The following PRDM2 variants were observed in gnomAD, a reference collection of about 807,000 sequenced individuals.
PRDM2 encodes the protein PR/SET domain 2, also known as PR domain zinc finger protein 2.
PRDM2 carries 30 observed loss-of-function variants against 130.0 expected under a neutral mutation model. The ratio of observed to expected loss-of-function variants is 0.23; its 90% CI spans 0.17 to 0.31. The LOEUF (loss-of-function observed/expected upper bound fraction) is 0.31, where lower values mean the gene tolerates loss of function less well. Among genes scored for constraint, PRDM2 ranks in the 10% least tolerant of loss-of-function variants. The pLI, the probability that PRDM2 is intolerant of heterozygous loss-of-function variation, is 1.00. For synonymous variants in PRDM2, 871 were observed against 782.4 expected, an observed-to-expected ratio of 1.11 and a Z score of -1.89; for missense variants, 2,011 against 2,108.4, an observed-to-expected ratio of 0.95 and a Z score of 0.90.
chr1:13,818,181 C>T lies in PRDM2; in HGVS notation c.*23+1611C>T, dbSNP rs372006178. Among the ~76,000 whole-genome samples, 21 of 152,202 alleles carry T rather than the reference C, an allele frequency of 1.4e-4. No homozygotes were observed. In the East Asian group the frequency reaches 1.7e-3, roughly 13 times the overall value. On this transcript the variant is annotated intron_variant, in intron 9 of 9. Coordinates refer to ENST00000311066, the MANE Select transcript of PRDM2 (RefSeq NM_001393986.1). ...CAGATGGCCCCCTGGTTCTGGGACACGCGTAGGTTTGGGAATGTGTGCTTA... is the reference window on the plus strand; with the variant it reads ...CAGATGGCCCCCTGGTTCTGGGACATGCGTAGGTTTGGGAATGTGTGCTTA...
chr1:13,763,311 ATT>A lies in PRDM2; in HGVS notation c.512-9761_512-9760del, dbSNP rs912994029. On this transcript the variant is annotated intron_variant, in intron 6 of 9. Coordinates refer to ENST00000311066, the MANE Select transcript of PRDM2 (RefSeq NM_001393986.1). ...GCTGTTTGGAAAGAGGAAACAGATGATTTTTTTGTTTGAAGTGATGATGTGTA... is the reference window on the plus strand; with the variant it reads ...GCTGTTTGGAAAGAGGAAACAGATGATTTTTGTTTGAAGTGATGATGTGTA... Among the ~76,000 whole-genome samples, 4 of 152,312 alleles carry A rather than the reference ATT, an allele frequency of 2.6e-5. No individual in the cohort carries two copies. The South Asian group carries it at 8.3e-4, about 32-fold the overall frequency.
chr1:13,793,390 G>C (rs750856513), intron 8 of PRDM2, among the ~76,000 whole-genome samples: 1 of 152,220 alleles, frequency 6.6e-6, no homozygotes, highest in Non-Finnish European at 1.5e-5. Flanking sequence ...GGGAGGCACC[G>C]CTAAGGAAAT....
At chr1:13,783,662 C>T (rs938795744) in intron 8 of PRDM2, among the ~76,000 whole-genome samples, 6 of 152,142 alleles carry the variant, frequency 3.9e-5, no homozygotes, top group East Asian at 1.9e-4. Context: ...GAGAGGGCAG[C>T]GGTTAAATTT....
At chr1:13,725,163 A>G (rs547507158) in intron 2 of PRDM2, among the ~76,000 whole-genome samples, 2 of 152,344 alleles carry the variant, frequency 1.3e-5, no homozygotes, top group Non-Finnish European at 2.9e-5. Context: ...TGAAATAGTT[A>G]TAGATCCACA....
Position 13,715,582 on chromosome 1 carries a change from T to C in PRDM2, c.-24T>C. On this transcript the variant is annotated 5_prime_UTR_variant, in exon 2 of 10. Coordinates refer to ENST00000311066, the MANE Select transcript of PRDM2 (RefSeq NM_001393986.1). ...GAAGTTTCTTTGTTGTGTGTATCTT[T>C]ACAGAACACAACAGGAATTGAAAAT... is the stretch of plus-strand genomic sequence containing the variant. 1.9e-6 allele frequency: 3 copies of C among 1,574,102 alleles called. No homozygotes were observed. The highest frequency in any genetic ancestry group is 2.6e-6 in the Non-Finnish European group (3 of 1,162,490).
intron 6 of PRDM2, among the ~76,000 whole-genome samples, chr1:13,753,569 T>C (rs1033703150): frequency 6.6e-6 from 1 of 152,198 alleles, no homozygotes; most frequent in Non-Finnish European, 1.5e-5. Flanking sequence ...ATAACAAGCC[T>C]TTAGAAACTT....
At chr1:13,772,988 T>C (rs1450897843) in intron 6 of PRDM2, 90 bp from the exon 7 acceptor site, 51 of 734,320 alleles carry the variant, frequency 6.9e-5, no homozygotes, top group Non-Finnish European at 1.1e-4. Flanking sequence ...AATAATTATC[T>C]TCAGTAATTC....
chr1:13,751,389 T>C (rs1234806450), intron 6 of PRDM2, among the ~76,000 whole-genome samples: 1 of 152,186 alleles, frequency 6.6e-6, no homozygotes, highest in Admixed American at 6.5e-5. Flanking sequence ...TTTAACAGCT[T>C]ACTGGTTAAA....
At chr1:13,749,210 CG>C (rs1433977739) in intron 5 of PRDM2, 150 bp from the exon 6 acceptor site, 1 of 669,462 alleles carries the variant, frequency 1.5e-6, no homozygotes, top group African/African-American at 2.0e-5. Flanking sequence ...CGCACGGGGC[CG>C]GGAGCCCTTC....
chr1:13,781,560 T>G lies in PRDM2; in HGVS notation c.3765T>G (p.Thr1255=), dbSNP rs746270168. 6.2e-7 allele frequency: 1 copy of G among 1,612,364 alleles called. No homozygotes were observed. Among genetic ancestry groups the G allele is most frequent in the Non-Finnish European group, 8.5e-7 (1 of 1,179,978 alleles). Residue 1255 remains threonine, a synonymous_variant, in exon 8 of 10, where the codon ACT becomes ACG. Transcript: ENST00000311066. This position sits in a 1 kb window ranked among gnomAD's most constrained non-coding sequence, Gnocchi z 6.1. The stretch of plus-strand genomic sequence containing the variant: ...GCTTGCCAGAAGATCCTTTAGAAAC[T>G]TCTAAAGAAGAAGAGGAGTTAAATG... The part of the protein sequence containing the change: ...MQSLPEDPLE[T]SKEEEELNDS...
chr1:13,823,677 G>A lies in PRDM2; in HGVS notation c.*542G>A, dbSNP rs964305922. 21 of 156,132 alleles carry A rather than the reference G, an allele frequency of 1.3e-4. No individual in the cohort carries two copies. Among genetic ancestry groups the A allele is most frequent in the Admixed American group, 3.8e-4 (6 of 15,598 alleles). 9.7% of individuals were successfully genotyped at this position (156,132 alleles called of 1,614,324 possible). A position where few individuals can be genotyped will look rare whatever the true frequency, so the allele number is the denominator to read the frequency against. ...AACAGCATATTGACACGTTGGAGCC[G>A]AGCCTGAACATGCCCCTCGGCCCCA... On this transcript the variant is annotated 3_prime_UTR_variant, in exon 10 of 10. Transcript: ENST00000311066.
chr1:13,802,733 C>G (rs1459279533), intron 8 of PRDM2, among the ~76,000 whole-genome samples: 1 of 152,230 alleles, frequency 6.6e-6, no homozygotes, highest in Non-Finnish European at 1.5e-5. Flanking sequence ...TCATCTCTTG[C>G]TTCCCAAGTT....
intron 6 of PRDM2, among the ~76,000 whole-genome samples, chr1:13,754,902 AC>A (rs1643912782): frequency 6.6e-6 from 1 of 152,250 alleles, no homozygotes; most frequent in African/African-American, 2.4e-5. Context: ...GGCATGAGAC[AC>A]AAATGAGCTG....
chr1:13,761,874 T>A (rs1202782338), intron 6 of PRDM2, among the ~76,000 whole-genome samples: 1 of 152,210 alleles, frequency 6.6e-6, no homozygotes, highest in Non-Finnish European at 1.5e-5. Flanking sequence ...CAGAATTCTC[T>A]CTAACTTCTG....
At chr1:13,724,967 GC>G (rs1642862654) in intron 2 of PRDM2, among the ~76,000 whole-genome samples, 2 of 152,048 alleles carry the variant, frequency 1.3e-5, no homozygotes, top group South Asian at 4.2e-4. Context: ...TTTGGATTAA[GC>G]CCCCCTGCCT....
chr1:13,781,619 T>C lies in PRDM2; in HGVS notation c.3824T>C (p.Ile1275Thr). The C allele has an allele frequency of 1.9e-6, 3 of 1,613,672 alleles. No individual in the cohort carries two copies. The highest frequency in any genetic ancestry group is 1.1e-5 in the South Asian group (1 of 91,078). Reference protein sequence around the residue: ...SSEELYTTIKIMASGIKTKDP... With the variant: ...SSEELYTTIKTMASGIKTKDP... ...GAAGAGCTTTACACGACTATAAAAATAATGGCTTCTGGAATAAAGACAAAA... is the reference window on the plus strand; with the variant it reads ...GAAGAGCTTTACACGACTATAAAAACAATGGCTTCTGGAATAAAGACAAAA... The change falls in exon 8 of 10, where the codon ATA becomes ACA. Residue 1275 changes from isoleucine to threonine, a missense_variant. By Grantham distance (89) the Ile-to-Thr change is moderately conservative. Coordinates refer to ENST00000311066, the MANE Select transcript of PRDM2 (RefSeq NM_001393986.1). The surrounding 1 kb of genome is among the most constrained non-coding windows in gnomAD (Gnocchi z 6.1).
chr1:13,735,055 G>T (rs1643225991), intron 4 of PRDM2, among the ~76,000 whole-genome samples: 1 of 152,088 alleles, frequency 6.6e-6, no homozygotes, highest in Non-Finnish European at 1.5e-5. Flanking sequence ...CTTGGCATTT[G>T]TTCTTCCATC....
intron 8 of PRDM2, among the ~76,000 whole-genome samples, chr1:13,800,263 GAAAT>G (rs1243278425): frequency 6.6e-6 from 1 of 152,186 alleles, no homozygotes; most frequent in Non-Finnish European, 1.5e-5. Context: ...GCTAGGGAGA[GAAAT>G]AAAACACAGA....
At chr1:13,722,088 T>A (rs1642747398) in intron 2 of PRDM2, among the ~76,000 whole-genome samples, 1 of 152,216 alleles carries the variant, frequency 6.6e-6, no homozygotes, top group African/African-American at 2.4e-5. Context: ...GTTTAATTAC[T>A]ATTACTGCTT....
Sources: gnomAD v4.1 joint callset for allele counts (sites outside exome capture counted in the v4.1 genomes callset) on GRCh38, gnomAD v4.1.1 for gene constraint, Gnocchi (gnomAD v3.1) non-coding constraint, MANE v1.5 for transcripts, NCBI Gene and HGNC (gene_info 2026-07-23, HGNC 2026-07-21) for gene names.